HIBADH: variants seen among roughly 807,000 people sequenced by gnomAD.
The protein encoded by HIBADH is 3-hydroxyisobutyrate dehydrogenase, also known as 3-hydroxyisobutyrate dehydrogenase, mitochondrial.
HIBADH carries 25 observed loss-of-function variants against 36.1 expected under a neutral mutation model. The observed-to-expected ratio is 0.69, with a 90% confidence interval of 0.50 to 0.97. The LOEUF is 0.97. HIBADH is among the 50% of genes least tolerant of loss of function. The pLI, the probability that HIBADH is intolerant of heterozygous loss-of-function variation, is 0.00. For missense variants in HIBADH, 421 were observed against 418.0 expected (o/e 1.01, Z -0.06); for synonymous variants, 160 against 149.5 (o/e 1.07, Z -0.51).
In HIBADH at chr7:27,654,489, G is replaced by C. The variant is rs531597868; in HGVS notation, c.92-4856C>G. ...GGAAAAAGGACACACTATGTAGAAA[G>C]GGAAAAAGATAAGGATAAAGGCAGA... On this transcript the variant is annotated intron_variant, in intron 1 of 7. Transcript: ENST00000265395. Among the ~76,000 whole-genome samples the C allele has an allele frequency of 3.3e-5, 5 of 152,130 alleles. No individual in the cohort carries two copies. The East Asian group carries it at 9.6e-4, about 29-fold the overall frequency.
intron 4 of HIBADH, among the ~76,000 whole-genome samples, chr7:27,579,001 G>GA (rs1583579198): frequency 1.3e-5 from 2 of 152,276 alleles, no homozygotes; most frequent in East Asian, 3.9e-4. Flanking sequence ...TGTCAAGATA[G>GA]ATTATTTTTA....
chr7:27,587,854 C>T (rs941840225), intron 4 of HIBADH, among the ~76,000 whole-genome samples: 9 of 152,134 alleles, frequency 5.9e-5, no homozygotes, highest in African/African-American at 2.2e-4. Context: ...TAAAATGAGA[C>T]ATTTTAATCA....
intron 4 of HIBADH, among the ~76,000 whole-genome samples, chr7:27,582,064 G>C (rs560403532): frequency 7.9e-5 from 12 of 152,204 alleles, no homozygotes; most frequent in African/African-American, 2.9e-4. Flanking sequence ...TTCATGCTTT[G>C]ACTTAGGATT....
At chr7:27,602,333 T>C (rs566402535) in intron 4 of HIBADH, among the ~76,000 whole-genome samples, 1 of 152,082 alleles carries the variant, frequency 6.6e-6, no homozygotes, top group South Asian at 2.1e-4. Context: ...TTAAGGTGAT[T>C]AGAGATGTTT....
intron 2 of HIBADH, among the ~76,000 whole-genome samples, chr7:27,646,339 A>C (rs992456100): frequency 1.3e-5 from 2 of 152,196 alleles, no homozygotes; most frequent in Admixed American, 1.3e-4. Flanking sequence ...CTTTCACATT[A>C]ATTTCAAAAA....
intron 4 of HIBADH, among the ~76,000 whole-genome samples, chr7:27,612,803 GT>G (rs1368582166): frequency 6.7e-6 from 1 of 149,844 alleles, no homozygotes; most frequent in Non-Finnish European, 1.5e-5. Flanking sequence ...GGGCATGGTG[GT>G]GCATGCCTAT....
Position 27,649,507 on chromosome 7 carries a change from T to C in HIBADH, c.218A>G (p.Asp73Gly), listed in dbSNP as rs773122722. The C allele has an allele frequency of 6.8e-6, 11 of 1,613,706 alleles. No homozygotes were observed. The highest frequency in any genetic ancestry group is 7.6e-6 in the Non-Finnish European group (9 of 1,179,802). ...TGCATCTTGAAACTCTTTGCAGGCA[T>C]CAGGGAACACATCATAAATAATAAG... ...YPLIIYDVFP[D>G]ACKEFQDAGE... Residue 73 changes from aspartate to glycine, a missense_variant, in exon 2 of 8, where the codon GAT becomes GGT. By Grantham distance (94) the Asp-to-Gly change is moderately conservative (BLOSUM62 -1). Coordinates refer to ENST00000265395, the MANE Select transcript of HIBADH (RefSeq NM_152740.4).
At chr7:27,577,506 G>A (rs1272145512) in intron 4 of HIBADH, among the ~76,000 whole-genome samples, 1 of 152,094 alleles carries the variant, frequency 6.6e-6, no homozygotes, top group Non-Finnish European at 1.5e-5. Context: ...CTTTTTAAAA[G>A]ACCCATATCC....
intron 2 of HIBADH, among the ~76,000 whole-genome samples, chr7:27,642,073 A>C (rs1785970757): frequency 6.6e-6 from 1 of 152,142 alleles, no homozygotes; most frequent in South Asian, 2.1e-4. Flanking sequence ...ATTATTCACT[A>C]ATCTGGGAGG....
intron 4 of HIBADH, among the ~76,000 whole-genome samples, chr7:27,581,109 T>G (rs909946702): frequency 6.6e-6 from 1 of 152,066 alleles, no homozygotes; most frequent in African/African-American, 2.4e-5. Flanking sequence ...TGGAAAAGAA[T>G]GAATGGACTA....
intron 4 of HIBADH, among the ~76,000 whole-genome samples, chr7:27,622,371 T>C (rs1418280001): frequency 1.3e-5 from 2 of 152,130 alleles, no homozygotes; most frequent in Non-Finnish European, 2.9e-5. Context: ...GAGAAGTTTA[T>C]AGCAATAAAT....
At chr7:27,636,061 A>G (rs1276493758) in intron 2 of HIBADH, among the ~76,000 whole-genome samples, 1 of 152,226 alleles carries the variant, frequency 6.6e-6, no homozygotes, top group Admixed American at 6.5e-5. Context: ...AAATCTGTTT[A>G]ATAACAAAAA....
At chr7:27,541,073 T>G (rs1399766469) in intron 5 of HIBADH, among the ~76,000 whole-genome samples, 1 of 152,016 alleles carries the variant, frequency 6.6e-6, no homozygotes, top group Non-Finnish European at 1.5e-5. Flanking sequence ...GCCTATCCTT[T>G]CCTGCCTTAA....
chr7:27,548,737 T>G (rs1365715792), intron 4 of HIBADH, among the ~76,000 whole-genome samples: 1 of 152,032 alleles, frequency 6.6e-6, no homozygotes, highest in African/African-American at 2.4e-5. Context: ...AAAATATAAT[T>G]AGGGAAAAGA....
chr7:27,586,385 AGAAG>A lies in HIBADH; in HGVS notation c.484+42982_484+42985del, dbSNP rs564941254. Among the ~76,000 whole-genome samples the A allele has an allele frequency of 1.1e-3, 151 of 141,088 alleles. No homozygotes were observed. In the South Asian group the frequency reaches 0.017, roughly 15 times the overall value. 92.6% of individuals were successfully genotyped at this position (141,088 alleles called of 152,430 possible). A position where few individuals can be genotyped will look rare whatever the true frequency, so the allele number is the denominator to read the frequency against. On this transcript the variant is annotated intron_variant, in intron 4 of 7. Coordinates refer to ENST00000265395, the MANE Select transcript of HIBADH (RefSeq NM_152740.4). ...GGGAGAGAGAGAAGGAAGGAAGGAAAGAAGGAAGGAAGGGAGGGAGGGAGGGGAA... is the reference window on the plus strand; with the variant it reads ...GGGAGAGAGAGAAGGAAGGAAGGAAAGAAGGAAGGGAGGGAGGGAGGGGAA...
intron 4 of HIBADH, among the ~76,000 whole-genome samples, chr7:27,618,634 T>A (rs1044257361): frequency 6.6e-6 from 1 of 152,178 alleles, no homozygotes; most frequent in Non-Finnish European, 1.5e-5. Context: ...GGTGCCAGCA[T>A]GTATGAGGCT....
At chr7:27,640,837 T>C (rs552418136) in intron 2 of HIBADH, among the ~76,000 whole-genome samples, 78 of 152,310 alleles carry the variant, frequency 5.1e-4, no homozygotes, top group African/African-American at 1.7e-3. Context: ...TGTAAGAATT[T>C]GTACATTTAA....
chr7:27,538,936 G>C (rs1057206197), intron 5 of HIBADH, among the ~76,000 whole-genome samples: 1 of 152,086 alleles, frequency 6.6e-6, no homozygotes, highest in Non-Finnish European at 1.5e-5. Context: ...CCGGGGCGAA[G>C]GGTAAATATA....
At chr7:27,578,173 A>G (rs988441214) in intron 4 of HIBADH, among the ~76,000 whole-genome samples, 1 of 152,256 alleles carries the variant, frequency 6.6e-6, no homozygotes, top group South Asian at 2.1e-4. Flanking sequence ...TTACTTAAGC[A>G]TGAATATTTG....
Sources: gnomAD v4.1 joint callset for allele counts (sites outside exome capture counted in the v4.1 genomes callset) on GRCh38, gnomAD v4.1.1 for gene constraint, MANE v1.5 for transcripts, NCBI Gene and HGNC (gene_info 2026-07-23, HGNC 2026-07-21) for gene names.